POLR1C: variants seen among roughly 807,000 people sequenced by gnomAD.
POLR1C encodes DNA-directed RNA polymerases I and III subunit RPAC1.
Under a neutral mutation model 38.3 loss-of-function variants are expected in POLR1C, and 42 were observed. That is an observed-to-expected ratio of 1.10 (90% CI 0.86 to 1.42). POLR1C has a LOEUF of 1.42. Ranked by LOEUF, POLR1C falls within the 40% of genes most tolerant of loss-of-function variation. The pLI, the probability that POLR1C is intolerant of heterozygous loss-of-function variation, is 0.00. For synonymous variants in POLR1C, 163 were observed against 163.9 expected, an observed-to-expected ratio of 0.99 and a Z score of 0.04; for missense variants, 507 against 450.5, an observed-to-expected ratio of 1.13 and a Z score of -1.14.
Position 43,549,640 on chromosome 6 carries a change from G to T in POLR1C, c.*5-1328G>T, listed in dbSNP as rs1795133868. 6 of 1,541,518 alleles carry T rather than the reference G, an allele frequency of 3.9e-6. No homozygotes were observed. In the Admixed American group the frequency reaches 1.1e-4, roughly 29 times the overall value. On this transcript the variant is annotated intron_variant, in intron 9 of 10. Transcript: ENST00000607635. ...TAATATAATATACAGGTGCTGCATAGACTCATGTGAATATCTCAGTCAGGG... is the reference window on the plus strand; with the variant it reads ...TAATATAATATACAGGTGCTGCATATACTCATGTGAATATCTCAGTCAGGG...
chr6:43,549,069 A>G (rs941578931), intron 9 of POLR1C, among the ~76,000 whole-genome samples: 6 of 152,042 alleles, frequency 3.9e-5, no homozygotes, highest in East Asian at 3.9e-4. Flanking sequence ...AAGAATGTTT[A>G]TTTATTTATT....
intron 10 of POLR1C, chr6:43,553,777 C>T (rs1295259097): frequency 1.1e-5 from 4 of 355,854 alleles, no homozygotes; most frequent in African/African-American, 6.3e-5. Flanking sequence ...TGTAGTAAAA[C>T]CATTTTGAGT....
At chr6:43,549,397 T>C in intron 9 of POLR1C, 2 of 1,266,274 alleles carry the variant, frequency 1.6e-6, no homozygotes, top group Non-Finnish European at 2.2e-6. Flanking sequence ...CTATAGTTTC[T>C]AGTTTTTTCT....
At chr6:43,522,832 T>C (rs1793281277), downstream of POLR1C, 3 of 314,842 alleles carry the variant, frequency 9.5e-6, no homozygotes, top group Non-Finnish European at 2.2e-5. Flanking sequence ...CCAGGTCCCG[T>C]ATCCATGTCC....
At chr6:43,553,457 G>A in intron 10 of POLR1C, 2 of 1,583,034 alleles carry the variant, frequency 1.3e-6, no homozygotes, top group Non-Finnish European at 1.7e-6. Flanking sequence ...ATGAAGGTGA[G>A]AAGACGGAAC....
downstream of POLR1C, among the ~76,000 whole-genome samples, chr6:43,531,906 T>C (rs1794009577): frequency 6.6e-6 from 1 of 152,206 alleles, no homozygotes; most frequent in Non-Finnish European, 1.5e-5. Context: ...AAACCCCTTT[T>C]TTAAGCAAAA....
chr6:43,523,831 A>C (rs1446549039), downstream of POLR1C: 1 of 1,613,914 alleles, frequency 6.2e-7, no homozygotes, highest in Admixed American at 1.7e-5. Context: ...AGAAGAGATG[A>C]CAAGAAAGGC....
At chr6:43,553,741 C>T (rs1230883788) in intron 10 of POLR1C, 5 of 731,320 alleles carry the variant, frequency 6.8e-6, no homozygotes, top group Non-Finnish European at 9.5e-6. Context: ...TAACAATGAG[C>T]GGTCTGAATT....
chr6:43,550,332 TAAACTC>T (rs1231005961), intron 9 of POLR1C, among the ~76,000 whole-genome samples: 1 of 152,250 alleles, frequency 6.6e-6, no homozygotes, highest in Non-Finnish European at 1.5e-5. Context: ...ATTATGGAAT[TAAACTC>T]AGACAAGAGT....
chr6:43,525,365 T>C (rs1793511553), downstream of POLR1C: 4 of 704,854 alleles, frequency 5.7e-6, no homozygotes, highest in African/African-American at 3.6e-5. Flanking sequence ...CCTGAACTCC[T>C]GGGCTCAAGC....
At chr6:43,539,616 CGAAACCTCTGCG>C (rs1241039523) in intron 9 of POLR1C, 1 of 1,374,516 alleles carries the variant, frequency 7.3e-7, no homozygotes, top group African/African-American at 1.4e-5. Context: ...ATGCCACTGG[CGAAACCTCTGCG>C]GAAGCCACCG....
chr6:43,555,932 A>T, intron 10 of POLR1C: 1 of 1,613,964 alleles, frequency 6.2e-7, no homozygotes, highest in Non-Finnish European at 8.5e-7. Flanking sequence ...CGACATGCCA[A>T]CCTCATCACC....
rs779322593 is a variant in POLR1C at position 43,520,699 on chromosome 6, C to T, written c.730C>T (p.Pro244Ser). The T allele has an allele frequency of 2.5e-6, 4 of 1,614,084 alleles. No individual in the cohort carries two copies. The Admixed American group carries it at 6.7e-5, about 27-fold the overall frequency. ...RLLPDITLLEPVEGEAAEELS... is the reference protein window; with the variant it reads ...RLLPDITLLESVEGEAAEELS... ...CCTGCCAGACATCACCCTGCTTGAG[C>T]CCGTGGAAGGGGAGGCAGCTGAGGA... Residue 244 changes from proline (P) to serine (S), a missense_variant, in exon 7 of 9, where the codon CCC (proline) becomes TCC (serine). Physicochemically the swap from Pro to Ser is moderately conservative, Grantham distance 74 (BLOSUM62 -1). Coordinates refer to ENST00000642195, the MANE Select transcript of POLR1C (RefSeq NM_203290.4).
chr6:43,519,915 T>C lies in POLR1C; in HGVS notation c.382+77T>C, dbSNP rs1203181500. 4 of 1,555,768 alleles carry C rather than the reference T, an allele frequency of 2.6e-6. No homozygotes were observed. The African/African-American group carries it at 5.4e-5, about 21-fold the overall frequency. ...TTGACTGTGATGTTGGGTAAGTTAC[T>C]TATCTTTGTACATCAGTGTCTTTCA... On this transcript the variant is annotated intron_variant, in intron 4 of 8. Coordinates refer to ENST00000642195, the MANE Select transcript of POLR1C (RefSeq NM_203290.4).
In POLR1C at chr6:43,537,236, T is replaced by G. The variant is rs979999216; in HGVS notation, c.*4+7877T>G. Among the ~76,000 whole-genome samples, 9 of 151,644 alleles carry G rather than the reference T, an allele frequency of 5.9e-5. No homozygotes were observed. The East Asian group carries it at 1.7e-3, about 29-fold the overall frequency. ...ATCCTCCTGCCCTGGCCTCCCAAAG[T>G]GCTGAAATTATAGGCATGAGCCACT... On this transcript the variant is annotated intron_variant, in intron 9 of 10. Coordinates refer to the POLR1C transcript ENST00000607635.
downstream of POLR1C, among the ~76,000 whole-genome samples, chr6:43,532,515 C>G (rs924488834): frequency 6.6e-6 from 1 of 152,248 alleles, no homozygotes; most frequent in East Asian, 1.9e-4. Flanking sequence ...CATTCCCAGA[C>G]TAGCTCCCTG....
rs763899744 is a variant in POLR1C, at chr6:43,546,653, T to C, written c.*5-4315T>C. On this transcript the variant is annotated intron_variant, in intron 9 of 10. Transcript: ENST00000607635. ...CGGAAGATTGGATTTCCACTGGATG[T>C]ATAACCCACCACAAATCCCCCAGCT... 2.5e-5 allele frequency: 40 copies of C among 1,613,810 alleles called. No individual in the cohort carries two copies. In the Admixed American group the frequency reaches 4.3e-4, roughly 17 times the overall value.
intron 9 of POLR1C, among the ~76,000 whole-genome samples, chr6:43,547,955 C>A (rs879832157): frequency 6.6e-6 from 1 of 152,098 alleles, no homozygotes; most frequent in Admixed American, 6.6e-5. Flanking sequence ...AAAATAATTT[C>A]TCTACTGTGT....
downstream of POLR1C, chr6:43,534,051 G>A: frequency 2.0e-6 from 3 of 1,477,352 alleles, no homozygotes; most frequent in Non-Finnish European, 2.8e-6. Flanking sequence ...ATCTGATGCA[G>A]AAGGAAAGAG....
Sources: allele counts gnomAD v4.1 joint callset (sites outside exome capture counted in the v4.1 genomes callset), GRCh38; gene constraint gnomAD v4.1.1; transcripts MANE v1.5; gene names NCBI Gene and HGNC (gene_info 2026-07-23, HGNC 2026-07-21).